COG3: variants seen among roughly 807,000 people sequenced by gnomAD.
COG3 encodes the protein component of oligomeric golgi complex 3, also known as conserved oligomeric Golgi complex subunit 3.
COG3 carries 32 observed loss-of-function variants against 114.1 expected under a neutral mutation model. That is an observed-to-expected ratio of 0.28 (90% confidence interval 0.21 to 0.38). COG3 has a LOEUF of 0.38. Among genes scored for constraint, COG3 ranks in the 10% least tolerant of loss-of-function variants. The pLI, the probability that COG3 is intolerant of heterozygous loss-of-function variation, is 1.00. For synonymous variants in COG3, 352 were observed against 365.7 expected (o/e 0.96, Z 0.43); for missense variants, 813 against 973.2 (o/e 0.84, Z 2.19).
At chr13:45,493,756 A>G (rs538682863) in intron 12 of COG3, 4 of 218,734 alleles carry the variant, frequency 1.8e-5, no homozygotes, top group East Asian at 9.9e-5. Flanking sequence ...TCCAGATAGA[A>G]CACATCGTTA....
chr13:45,487,237 A>G (rs1384368714), intron 8 of COG3, among the ~76,000 whole-genome samples: 1 of 152,250 alleles, frequency 6.6e-6, no homozygotes, highest in Non-Finnish European at 1.5e-5. Flanking sequence ...ACTGTATACA[A>G]AAATCAAAAC....
chr13:45,514,335 A>G (rs1871305934), intron 16 of COG3, among the ~76,000 whole-genome samples: 2 of 151,876 alleles, frequency 1.3e-5, no homozygotes. Context: ...TAATTTTTGC[A>G]TTTGTAGTAG....
chr13:45,502,097 A>G (rs1869602877), intron 13 of COG3, among the ~76,000 whole-genome samples: 1 of 152,138 alleles, frequency 6.6e-6, no homozygotes, highest in Admixed American at 6.5e-5. Context: ...ATTGCGGATA[A>G]CAACAGGGAG....
Position 45,481,125 on chromosome 13 carries a change from T to C in COG3, c.550-105T>C, listed in dbSNP as rs887800383. The C allele has an allele frequency of 7.2e-6, 5 of 690,670 alleles. No individual in the cohort carries two copies. The African/African-American group carries it at 7.3e-5, about 10-fold the overall frequency. The allele number at this position is 690,670 out of a possible 1,614,324, so 42.8% of individuals were successfully genotyped here. The stretch of plus-strand genomic sequence containing the variant: ...TTGAGCTGAATTCTCATATCTGATA[T>C]AAACCTCTGTGTCTAATGTAAATCT... On this transcript the variant is annotated intron_variant, in intron 4 of 22. Transcript: ENST00000349995.
At chr13:45,476,072 T>G (rs1235487825) in intron 1 of COG3, 129 bp from the exon 2 acceptor site, 2 of 810,348 alleles carry the variant, frequency 2.5e-6, no homozygotes, top group Non-Finnish European at 4.0e-6. Flanking sequence ...TAGTATTTAT[T>G]AACTTAATGT....
intron 11 of COG3, 100 bp from the exon 12 acceptor site, chr13:45,493,247 A>T: frequency 1.1e-6 from 1 of 904,560 alleles, no homozygotes; most frequent in Non-Finnish European, 1.7e-6. Context: ...GTAGATACTT[A>T]TTGTTCTTAT....
At chr13:45,514,287 A>G (rs1871299047) in intron 16 of COG3, among the ~76,000 whole-genome samples, 1 of 149,614 alleles carries the variant, frequency 6.7e-6, no homozygotes, top group African/African-American at 2.5e-5. Flanking sequence ...TAGCCACCCA[A>G]GTAGCTGGGA....
At position 45,465,099 on chromosome 13, in the gene COG3, G is replaced by A. The variant is rs762490827; in HGVS notation, c.63G>A (p.Lys21=). 1.6e-5 allele frequency: 26 copies of A among 1,611,978 alleles called. 1 individual carries two copies. The Admixed American group carries it at 3.8e-4, about 24-fold the overall frequency. The change falls in exon 1 of 23, where the codon AAG becomes AAA. Residue 21 remains lysine (K), a synonymous_variant. Transcript: ENST00000349995. The part of the protein sequence containing the change: ...EAAAERDARE[K]LALWDRRPDT... ...CGGCGGAGCGGGACGCTAGGGAAAA[G>A]CTGGCTCTCTGGGATCGGAGACCGG...
At chr13:45,492,132 TAG>T in intron 10 of COG3, 25 bp from the exon 11 acceptor site, 1 of 1,389,714 alleles carries the variant, frequency 7.2e-7, no homozygotes, top group Non-Finnish European at 1.0e-6. Context: ...TCTTTAACTG[TAG>T]GTGGTGTGTG....
At chr13:45,476,655 C>T (rs1420419682) in intron 2 of COG3, among the ~76,000 whole-genome samples, 1 of 152,120 alleles carries the variant, frequency 6.6e-6, no homozygotes, top group Non-Finnish European at 1.5e-5. Flanking sequence ...TAACCTGTTC[C>T]CTCAGTGTGT....
At chr13:45,529,347 T>G (rs1872966455) in intron 20 of COG3, among the ~76,000 whole-genome samples, 2 of 152,196 alleles carry the variant, frequency 1.3e-5, no homozygotes. Flanking sequence ...TTAATTCCCC[T>G]TAAATATGTG....
intron 4 of COG3, among the ~76,000 whole-genome samples, chr13:45,480,626 C>T (rs758785304): frequency 1.9e-4 from 29 of 152,064 alleles, no homozygotes; most frequent in Non-Finnish European, 3.1e-4. Flanking sequence ...AGTGCAATGA[C>T]GTGATCTCAG....
intron 7 of COG3, among the ~76,000 whole-genome samples, chr13:45,483,674 A>AT (rs936584617): frequency 6.6e-6 from 1 of 152,204 alleles, no homozygotes; most frequent in Non-Finnish European, 1.5e-5. Context: ...AGAAGGAAAT[A>AT]TACCAAAATC....
At chr13:45,495,037 G>T (rs1427066265) in intron 12 of COG3, among the ~76,000 whole-genome samples, 1 of 149,642 alleles carries the variant, frequency 6.7e-6, no homozygotes, top group African/African-American at 2.5e-5. Flanking sequence ...GTAGAGATGG[G>T]GTTTCACCGT....
intron 20 of COG3, among the ~76,000 whole-genome samples, chr13:45,526,075 A>ATTTTTTTTTT (rs1872653232): frequency 7.2e-5 from 3 of 41,686 alleles, no homozygotes; most frequent in Admixed American, 3.4e-4. Context: ...CCAAAATTTT[A>ATTTTTTTTTT]ATTTTTTTTT....
At chr13:45,487,601 A>G (rs1308358214) in intron 8 of COG3, among the ~76,000 whole-genome samples, 1 of 152,236 alleles carries the variant, frequency 6.6e-6, no homozygotes, top group Non-Finnish European at 1.5e-5. Context: ...TCTCAAAAGG[A>G]GACTATACAG....
intron 20 of COG3, among the ~76,000 whole-genome samples, chr13:45,529,524 C>T (rs1872983650): frequency 6.6e-6 from 1 of 151,602 alleles, no homozygotes; most frequent in African/African-American, 2.4e-5. Flanking sequence ...TATTACAGCT[C>T]TTATGAATGT....
chr13:45,492,736 C>A (rs1887092299), intron 11 of COG3, among the ~76,000 whole-genome samples: 1 of 152,106 alleles, frequency 6.6e-6, no homozygotes. Flanking sequence ...GCTCATGACT[C>A]TTGTAATGAG....
At chr13:45,516,589 G>A (rs1341660119) in intron 17 of COG3, among the ~76,000 whole-genome samples, 1 of 152,178 alleles carries the variant, frequency 6.6e-6, no homozygotes, top group African/African-American at 2.4e-5. Context: ...AGCTAGTTGG[G>A]ATGATTTTAA....
Sources: allele counts gnomAD v4.1 joint callset (sites outside exome capture counted in the v4.1 genomes callset), GRCh38; gene constraint gnomAD v4.1.1; transcripts MANE v1.5; gene names NCBI Gene and HGNC (gene_info 2026-07-23, HGNC 2026-07-21).